ASH2L: variants seen among roughly 807,000 people sequenced by gnomAD.
ASH2L encodes ASH2 like, histone lysine methyltransferase complex subunit, also known as set1/Ash2 histone methyltransferase complex subunit ASH2.
Under a neutral mutation model 81.1 loss-of-function variants are expected in ASH2L, and 30 were observed. The ratio of observed to expected loss-of-function variants is 0.37; its 90% confidence interval spans 0.28 to 0.50. ASH2L has a LOEUF of 0.50. ASH2L is among the 20% of genes least tolerant of loss of function. ASH2L has a pLI of 0.95. For missense variants in ASH2L, 559 were observed against 792.1 expected (o/e 0.71, Z 3.53); for synonymous variants, 273 against 279.9 (o/e 0.98, Z 0.24).
rs779572753 is a variant in ASH2L at position 38,133,510 on chromosome 8, A to T, written c.1584A>T (p.Lys528Asn). Reference sequence around the variant, plus strand: ...TTGAGGAAAAAGACTTTGTGGATAAAGCAGAGAAGAGCCTGAAGCAGACTC... The same window carrying T: ...TTGAGGAAAAAGACTTTGTGGATAATGCAGAGAAGAGCCTGAAGCAGACTC... ...LYFEEKDFVD[K>N]AEKSLKQTPH... The change falls in exon 13 of 16, where the codon AAA becomes AAT. Residue 528 changes from lysine to asparagine, a missense_variant. Transcript: ENST00000343823. 6.2e-7 allele frequency: 1 copy of T among 1,611,684 alleles called. No homozygotes were observed. Among genetic ancestry groups the T allele is most frequent in the Non-Finnish European group, 8.5e-7 (1 of 1,179,818 alleles).
chr8:38,118,508 A>G (rs529989427), intron 8 of ASH2L, among the ~76,000 whole-genome samples: 5 of 152,336 alleles, frequency 3.3e-5, no homozygotes, highest in African/African-American at 1.2e-4. Flanking sequence ...GTCTATTCCT[A>G]TTTATTGCTT....
At chr8:38,116,748 G>A in intron 8 of ASH2L, 23 bp downstream of exon 8, 1 of 1,587,058 alleles carries the variant, frequency 6.3e-7, no homozygotes, top group Non-Finnish European at 8.6e-7. Flanking sequence ...ATATCTCATT[G>A]CTGAAATATT....
chr8:38,112,779 C>T (rs1004804438), intron 5 of ASH2L, among the ~76,000 whole-genome samples: 1 of 152,126 alleles, frequency 6.6e-6, no homozygotes, highest in African/African-American at 2.4e-5. Flanking sequence ...TCCTTTCAAC[C>T]AGTGATTTTT....
chr8:38,110,571 A>G, intron 4 of ASH2L, 104 bp downstream of exon 4: 3 of 1,261,004 alleles, frequency 2.4e-6, no homozygotes, highest in Non-Finnish European at 3.4e-6. Flanking sequence ...GCTGGTATAA[A>G]TTCAGTTGGG....
intron 5 of ASH2L, among the ~76,000 whole-genome samples, 165 bp downstream of exon 5, chr8:38,110,998 G>T (rs60055729): frequency 5.3e-5 from 8 of 152,020 alleles, no homozygotes; most frequent in Non-Finnish European, 8.8e-5. Flanking sequence ...GCAGTGATGC[G>T]ATCTCAGCTC....
chr8:38,115,068 T>C (rs1359620107), intron 7 of ASH2L, 68 bp downstream of exon 7: 7 of 1,037,336 alleles, frequency 6.7e-6, no homozygotes, highest in Non-Finnish European at 3.0e-6. Context: ...TCAGGTTCTG[T>C]TTACATTTGT....
chr8:38,106,366 ATTATC>A lies in ASH2L; in HGVS notation c.189-7_189-3del, dbSNP rs554439958. On this transcript the variant is annotated splice_polypyrimidine_tract_variant and splice_region_variant and intron_variant, in intron 1 of 15. Transcript: ENST00000343823. The stretch of plus-strand genomic sequence containing the variant: ...TGAGAATTCTTACTTGAGCGCTTTC[ATTATC>A]TTATAGGGAGGCAAACTTGGTCGAT... 15,040 of 1,613,276 alleles carry A rather than the reference ATTATC, an allele frequency of 9.3e-3. 99 individuals are homozygous for A. The highest frequency in any genetic ancestry group is 0.011 in the Non-Finnish European group (12,720 of 1,179,450).
Position 38,133,504 on chromosome 8 carries a change from G to A in ASH2L, c.1578G>A (p.Val526=). 1 of 1,611,428 alleles carries A rather than the reference G, an allele frequency of 6.2e-7. No individual in the cohort carries two copies. The highest frequency in any genetic ancestry group is 8.5e-7 in the Non-Finnish European group (1 of 1,179,802). ...SYLYFEEKDF[V]DKAEKSLKQT... ...TGTATTTTGAGGAAAAAGACTTTGTGGATAAAGCAGAGAAGAGCCTGAAGC... is the reference window on the plus strand; with the variant it reads ...TGTATTTTGAGGAAAAAGACTTTGTAGATAAAGCAGAGAAGAGCCTGAAGC... The change falls in exon 13 of 16, where the codon GTG becomes GTA. Residue 526 remains valine, a synonymous_variant. Coordinates refer to ENST00000343823, the MANE Select transcript of ASH2L (RefSeq NM_004674.5).
intron 13 of ASH2L, among the ~76,000 whole-genome samples, chr8:38,135,142 C>T (rs1356427396): frequency 1.3e-5 from 2 of 152,134 alleles, no homozygotes; most frequent in African/African-American, 2.4e-5. Flanking sequence ...CCTCTCTCCT[C>T]GGCCTCCCAG....
At position 38,138,827 on chromosome 8, in the gene ASH2L, C is replaced by A; in HGVS notation, c.1731C>A (p.Asn577Lys). The A allele has an allele frequency of 6.2e-7, 1 of 1,614,134 alleles. No homozygotes were observed. The highest frequency in any genetic ancestry group is 8.5e-7 in the Non-Finnish European group (1 of 1,180,016). Residue 577 changes from asparagine to lysine, a missense_variant, in exon 15 of 16, where the codon AAC becomes AAA. Physicochemically the swap from Asn to Lys is moderately conservative, Grantham distance 94. Coordinates refer to ENST00000343823, the MANE Select transcript of ASH2L (RefSeq NM_004674.5). ...TGAATTCGCTCCAGGTTTCCATTAA[C>A]TTTGGACCATGCTTCAAGTATCCTC... The part of the protein sequence containing the change: ...SLYKSCTVSI[N>K]FGPCFKYPPK...
chr8:38,127,337 AAAG>A (rs1375752921), intron 10 of ASH2L, among the ~76,000 whole-genome samples: 11 of 152,060 alleles, frequency 7.2e-5, no homozygotes, highest in African/African-American at 2.7e-4. Context: ...AAAAAAAAAA[AAAG>A]TTAAATTTTT....
At chr8:38,108,603 A>G (rs1370711796) in intron 3 of ASH2L, among the ~76,000 whole-genome samples, 1 of 151,576 alleles carries the variant, frequency 6.6e-6, no homozygotes, top group East Asian at 1.9e-4. Flanking sequence ...GCTGATCACG[A>G]GGTCAGGAGT....
chr8:38,122,255 A>G (rs1563256346), intron 10 of ASH2L: 1 of 151,940 alleles, frequency 6.6e-6, no homozygotes, highest in Non-Finnish European at 1.5e-5. Context: ...AAATTTCTTT[A>G]CTTTGAGGCA....
At chr8:38,116,778 T>C (rs1810921614) in intron 8 of ASH2L, 53 bp downstream of exon 8, 2 of 1,494,336 alleles carry the variant, frequency 1.3e-6, no homozygotes, top group East Asian at 2.3e-5. Context: ...TTGAATCCAG[T>C]TGTGCCTAGA....
chr8:38,116,438 C>G (rs1810903674), intron 7 of ASH2L, among the ~76,000 whole-genome samples: 1 of 151,978 alleles, frequency 6.6e-6, no homozygotes, highest in Non-Finnish European at 1.5e-5. Context: ...GAGGGTAAAC[C>G]AAGAGAATCG....
At chr8:38,111,364 C>G (rs912690832) in intron 5 of ASH2L, among the ~76,000 whole-genome samples, 3 of 152,226 alleles carry the variant, frequency 2.0e-5, no homozygotes, top group African/African-American at 4.8e-5. Flanking sequence ...GCTGGGATTA[C>G]AGGTGTGAGC....
At chr8:38,128,099 T>C (rs1801926799) in intron 10 of ASH2L, among the ~76,000 whole-genome samples, 192 bp from the exon 11 acceptor site, 1 of 152,152 alleles carries the variant, frequency 6.6e-6, no homozygotes, top group South Asian at 2.1e-4. Context: ...AACAACTTTC[T>C]CTTTTTTGTT....
intron 8 of ASH2L, among the ~76,000 whole-genome samples, chr8:38,117,138 A>G (rs1384137424): frequency 6.6e-6 from 1 of 152,182 alleles, no homozygotes; most frequent in Non-Finnish European, 1.5e-5. Context: ...CATTCACATG[A>G]TAGCATTTCT....
chr8:38,128,413 A>C lies in ASH2L; in HGVS notation c.1288A>C (p.Met430Leu). Residue 430 changes from methionine (M) to leucine (L), a missense_variant, in exon 11 of 16, where the codon ATG becomes CTG. Physicochemically the swap from Met to Leu is conservative, Grantham distance 15. Transcript: ENST00000343823. ...GTATTTTGAAATCACTGTGGATGAG[A>C]TGCCACCAGATACCGCTGCCAGACT... ...AWYFEITVDE[M>L]PPDTAARLGW... is the part of the protein sequence containing the mutation. The C allele has an allele frequency of 6.2e-7, 1 of 1,614,160 alleles. No individual in the cohort carries two copies. Among genetic ancestry groups the C allele is most frequent in the East Asian group, 2.2e-5 (1 of 44,886 alleles).
Sources: gnomAD v4.1 joint callset for allele counts (sites outside exome capture counted in the v4.1 genomes callset) on GRCh38, gnomAD v4.1.1 for gene constraint, MANE v1.5 for transcripts, NCBI Gene and HGNC (gene_info 2026-07-23, HGNC 2026-07-21) for gene names.